Variants in MIPOL1 observed in about 807,000 individuals in gnomAD.
The protein encoded by MIPOL1 is mirror-image polydactyly gene 1 protein.
In MIPOL1, 57 loss-of-function variants were observed where a neutral mutation model predicts 60.9. The ratio of observed to expected loss-of-function variants is 0.94; its 90% confidence interval spans 0.76 to 1.17. The LOEUF (loss-of-function observed/expected upper bound fraction) is 1.17. Ranked by LOEUF, MIPOL1 falls within the 50% of genes most tolerant of loss-of-function variation. The pLI, the probability that MIPOL1 is intolerant of heterozygous loss-of-function variation, is 0.00. For missense variants in MIPOL1, 551 were observed against 511.6 expected, an observed-to-expected ratio of 1.08 and a Z score of -0.74; for synonymous variants, 179 against 168.8, an observed-to-expected ratio of 1.06 and a Z score of -0.47.
chr14:37,341,042 C>T (rs565302216), intron 9 of MIPOL1, among the ~76,000 whole-genome samples: 1 of 152,288 alleles, frequency 6.6e-6, no homozygotes, highest in African/African-American at 2.4e-5. Flanking sequence ...ACCATATAGC[C>T]TAGATGTGCA....
chr14:37,535,676 T>C (rs1486828838), intron 12 of MIPOL1, among the ~76,000 whole-genome samples: 1 of 152,192 alleles, frequency 6.6e-6, no homozygotes, highest in East Asian at 1.9e-4. Flanking sequence ...CTTCATATGA[T>C]ATATATCTAC....
At chr14:37,319,549 A>G (rs138773367) in intron 9 of MIPOL1, among the ~76,000 whole-genome samples, 2 of 152,188 alleles carry the variant, frequency 1.3e-5, no homozygotes, top group African/African-American at 4.8e-5. Context: ...AAGTCTGAGG[A>G]GACCAATGAT....
intron 7 of MIPOL1, among the ~76,000 whole-genome samples, chr14:37,287,100 G>T (rs928831181): frequency 1.3e-5 from 2 of 151,944 alleles, no homozygotes; most frequent in African/African-American, 2.4e-5. Flanking sequence ...AGTCTTTAAG[G>T]CTCAGTTTTT....
At chr14:37,295,507 G>A (rs139387824) in intron 7 of MIPOL1, among the ~76,000 whole-genome samples, 1,930 of 152,222 alleles carry the variant, frequency 0.013, 38 homozygotes, top group African/African-American at 0.045. Context: ...GGCACAGACT[G>A]GCAAGTTGGA....
chr14:37,222,017 C>T (rs1968861159), intron 1 of MIPOL1, among the ~76,000 whole-genome samples: 1 of 151,768 alleles, frequency 6.6e-6, no homozygotes, highest in Non-Finnish European at 1.5e-5. Context: ...ACAAACAAAT[C>T]AGATACAGTT....
chr14:37,248,018 GCACA>G, intron 3 of MIPOL1, 111 bp downstream of exon 3: 5 of 963,710 alleles, frequency 5.2e-6, no homozygotes, highest in Non-Finnish European at 7.9e-6. Context: ...AGACAAGTGC[GCACA>G]CACACACACA....
intron 11 of MIPOL1, among the ~76,000 whole-genome samples, chr14:37,461,403 C>A (rs539553297): frequency 1.3e-5 from 2 of 152,168 alleles, no homozygotes; most frequent in South Asian, 4.2e-4. Context: ...AGGAAAGACC[C>A]TCCCCTATAA....
intron 1 of MIPOL1, among the ~76,000 whole-genome samples, chr14:37,233,162 C>A (rs566217001): frequency 2.9e-4 from 44 of 152,242 alleles, no homozygotes; most frequent in African/African-American, 4.3e-4. Flanking sequence ...GGGCTTGATT[C>A]AGTAATTCAA....
intron 6 of MIPOL1, among the ~76,000 whole-genome samples, chr14:37,284,576 C>T (rs1256030260): frequency 6.6e-6 from 1 of 151,938 alleles, no homozygotes; most frequent in Non-Finnish European, 1.5e-5. Flanking sequence ...ATCTCCTGAC[C>T]TGGTGATCCA....
At chr14:37,235,887 G>T (rs1821769466) in intron 1 of MIPOL1, among the ~76,000 whole-genome samples, 1 of 151,304 alleles carries the variant, frequency 6.6e-6, no homozygotes, top group Non-Finnish European at 1.5e-5. Context: ...ATACACAAGG[G>T]TTCCAGTTTC....
intron 3 of MIPOL1, among the ~76,000 whole-genome samples, chr14:37,258,316 A>G (rs1975303763): frequency 6.6e-6 from 1 of 152,082 alleles, no homozygotes; most frequent in South Asian, 2.1e-4. Context: ...CTTCATTCTT[A>G]ACAAACAAAA....
intron 10 of MIPOL1, among the ~76,000 whole-genome samples, chr14:37,378,187 A>G (rs2153506195): frequency 6.6e-6 from 1 of 152,224 alleles, no homozygotes; most frequent in African/African-American, 2.4e-5. Flanking sequence ...GCACTCCTGG[A>G]TCTTTATCTC....
At chr14:37,285,265 A>C in intron 6 of MIPOL1, 53 bp from the exon 7 acceptor site, 1 of 1,601,602 alleles carries the variant, frequency 6.2e-7, no homozygotes, top group East Asian at 2.2e-5. Flanking sequence ...CTAAAGGTAT[A>C]CATTTGTCCT....
chr14:37,404,927 A>T (rs1349421788), intron 10 of MIPOL1, among the ~76,000 whole-genome samples: 1 of 152,174 alleles, frequency 6.6e-6, no homozygotes, highest in Non-Finnish European at 1.5e-5. Flanking sequence ...AAAAGAAGGG[A>T]TGTAGAAGAA....
chr14:37,202,006 T>C (rs1965418162), intron 1 of MIPOL1, among the ~76,000 whole-genome samples: 1 of 152,134 alleles, frequency 6.6e-6, no homozygotes, highest in African/African-American at 2.4e-5. Flanking sequence ...CTATTTTGTT[T>C]TCTGTTTTTG....
chr14:37,430,406 A>G (rs1263268540), intron 11 of MIPOL1, among the ~76,000 whole-genome samples: 1 of 152,084 alleles, frequency 6.6e-6, no homozygotes, highest in Non-Finnish European at 1.5e-5. Flanking sequence ...CAGGGCCTTT[A>G]AATTTAAAAA....
chr14:37,290,952 TAAC>T (rs950100333), intron 7 of MIPOL1, among the ~76,000 whole-genome samples: 2 of 152,186 alleles, frequency 1.3e-5, no homozygotes, highest in Non-Finnish European at 2.9e-5. Context: ...TTATGAGTGA[TAAC>T]ATGTGGTATT....
chr14:37,487,410 TG>T (rs1181882644), intron 11 of MIPOL1, among the ~76,000 whole-genome samples: 2 of 152,218 alleles, frequency 1.3e-5, no homozygotes, highest in African/African-American at 4.8e-5. Flanking sequence ...TCAGAAGGAA[TG>T]GTACCAGCTC....
chr14:37,483,760 C>T (rs547164778), intron 11 of MIPOL1, among the ~76,000 whole-genome samples: 220 of 152,116 alleles, frequency 1.4e-3, no homozygotes, highest in African/African-American at 4.8e-3. Flanking sequence ...CTCAGCCTCC[C>T]GAGTACCTGG....
Sources: allele counts gnomAD v4.1 joint callset (sites outside exome capture counted in the v4.1 genomes callset), GRCh38; gene constraint gnomAD v4.1.1; transcripts MANE v1.5; gene names NCBI Gene and HGNC (gene_info 2026-07-23, HGNC 2026-07-21).